Variants in ENTHD1 observed in about 807,000 individuals in gnomAD.
The protein encoded by ENTHD1 is ENTH domain containing 1.
In ENTHD1, 23 loss-of-function variants were observed where a neutral mutation model predicts 39.1. That is an observed-to-expected ratio of 0.59 (90% confidence interval 0.42 to 0.83). The LOEUF (loss-of-function observed/expected upper bound fraction) is 0.83, where lower values mean the gene tolerates loss of function less well. Ranked by LOEUF, ENTHD1 falls within the 40% of genes least tolerant of loss-of-function variation. The probability of loss-of-function intolerance (pLI) is 0.00; values close to 1 mark genes in which losing one functional copy is unlikely to be tolerated. For missense variants in ENTHD1, 624 were observed against 705.4 expected, an observed-to-expected ratio of 0.88 and a Z score of 1.31; for synonymous variants, 230 against 258.2, an observed-to-expected ratio of 0.89 and a Z score of 1.05.
intron 5 of ENTHD1, among the ~76,000 whole-genome samples, chr22:39,799,639 T>C (rs535890261): frequency 5.8e-4 from 89 of 152,330 alleles, no homozygotes; most frequent in African/African-American, 2.0e-3. Context: ...TGTGAATTCC[T>C]GGTGGCTCCA....
At chr22:39,771,320 A>C (rs2065322011) in intron 5 of ENTHD1, among the ~76,000 whole-genome samples, 1 of 152,162 alleles carries the variant, frequency 6.6e-6, no homozygotes, top group Non-Finnish European at 1.5e-5. Context: ...AACGCTGGGG[A>C]AGTTTGCTGT....
Position 39,868,803 on chromosome 22 carries a change from A to G in ENTHD1, c.350-6796T>C, listed in dbSNP as rs558784782. On this transcript the variant is annotated intron_variant, in intron 2 of 6. Transcript: ENST00000325157. ...CAAAAAACAAATAACCCAACTAAAAAATGGGCAAAACATGCACAGATACTT... is the reference window on the plus strand; with the variant it reads ...CAAAAAACAAATAACCCAACTAAAAGATGGGCAAAACATGCACAGATACTT... 4.6e-5 allele frequency among the ~76,000 whole-genome samples: 7 copies of G among 152,344 alleles called. No individual in the cohort carries two copies. The South Asian group carries it at 1.4e-3, about 32-fold the overall frequency.
chr22:39,879,404 G>T (rs903317379), intron 2 of ENTHD1, among the ~76,000 whole-genome samples: 1 of 147,820 alleles, frequency 6.8e-6, no homozygotes, highest in East Asian at 2.0e-4. Flanking sequence ...CAGAGCTTGC[G>T]GTGAGCCAAG....
Position 39,835,950 on chromosome 22 carries a change from A to AAT in ENTHD1, c.600_601insAT (p.Cys201IlefsTer6). The AAT allele has an allele frequency of 6.2e-7, 1 of 1,603,146 alleles. No homozygotes were observed. Among genetic ancestry groups the AAT allele is most frequent in the South Asian group, 1.1e-5 (1 of 88,922 alleles). ...TGCTCTTGTTTCAATCCTGCCTTGCACACATTTCCTGTCAACAATATAAAG... is the reference window on the plus strand; with the variant it reads ...TGCTCTTGTTTCAATCCTGCCTTGCAATCACATTTCCTGTCAACAATATAAAG... On this transcript the variant is annotated frameshift_variant, in exon 4 of 7. Coordinates refer to ENST00000325157, the MANE Select transcript of ENTHD1 (RefSeq NM_152512.4). LOFTEE classifies it high-confidence loss of function.
In ENTHD1 at chr22:39,889,202, AG is replaced by A. The variant is rs776491562; in HGVS notation, c.-155-1300del. Among the ~76,000 whole-genome samples, 72 of 152,366 alleles carry A rather than the reference AG, an allele frequency of 4.7e-4. 1 individual carries two copies. Among genetic ancestry groups the A allele is most frequent in the Non-Finnish European group, 6.5e-4 (44 of 68,030 alleles). Reference sequence around the variant, plus strand: ...GAGTTTAGGATTAAACAGTGTCAACAGTAAGACTCAAATAATGCAAGGATTT... The same window carrying A: ...GAGTTTAGGATTAAACAGTGTCAACATAAGACTCAAATAATGCAAGGATTT... On this transcript the variant is annotated intron_variant, in intron 1 of 6. Coordinates refer to ENST00000325157, the MANE Select transcript of ENTHD1 (RefSeq NM_152512.4).
At chr22:39,785,387 A>C (rs1057175095) in intron 5 of ENTHD1, among the ~76,000 whole-genome samples, 1 of 151,752 alleles carries the variant, frequency 6.6e-6, no homozygotes, top group East Asian at 1.9e-4. Flanking sequence ...CAGCTCTTTT[A>C]TTTCTTTCCC....
intron 2 of ENTHD1, among the ~76,000 whole-genome samples, chr22:39,882,961 G>A (rs1355279508): frequency 2.2e-5 from 3 of 134,040 alleles, no homozygotes; most frequent in Admixed American, 8.6e-5. Context: ...CCTAGATAGC[G>A]CCACTGCACT....
At chr22:39,815,491 C>A (rs1256777465) in intron 5 of ENTHD1, among the ~76,000 whole-genome samples, 4 of 151,894 alleles carry the variant, frequency 2.6e-5, no homozygotes, top group Non-Finnish European at 1.5e-5. Flanking sequence ...TGATACCCAC[C>A]CAATAGACTG....
intron 5 of ENTHD1, among the ~76,000 whole-genome samples, chr22:39,778,301 A>G (rs1282644164): frequency 7.9e-5 from 12 of 152,190 alleles, no homozygotes; most frequent in Non-Finnish European, 1.5e-5. Context: ...ATCTGCAAGC[A>G]TGATGCATTC....
intron 2 of ENTHD1, among the ~76,000 whole-genome samples, chr22:39,884,181 C>T (rs536501061): frequency 1.9e-4 from 29 of 152,052 alleles, no homozygotes; most frequent in African/African-American, 7.0e-4. Flanking sequence ...TTCTAGCCAT[C>T]TTCTTTTTTT....
chr22:39,873,955 AAG>A (rs1313293307), intron 2 of ENTHD1, among the ~76,000 whole-genome samples: 1 of 152,224 alleles, frequency 6.6e-6, no homozygotes, highest in Non-Finnish European at 1.5e-5. Context: ...TTACAAAAGA[AAG>A]AGGTTTAATG....
chr22:39,751,953 G>T (rs2146535488), intron 6 of ENTHD1, among the ~76,000 whole-genome samples: 1 of 151,938 alleles, frequency 6.6e-6, no homozygotes, highest in South Asian at 2.1e-4. Flanking sequence ...CCTTAAAAAA[G>T]AAAAATTTAA....
At chr22:39,869,650 A>AAC (rs886823165) in intron 2 of ENTHD1, among the ~76,000 whole-genome samples, 1 of 152,042 alleles carries the variant, frequency 6.6e-6, no homozygotes, top group African/African-American at 2.4e-5. Context: ...AAAAAAAAAA[A>AAC]AAACCAGCAA....
At chr22:39,758,089 G>C (rs1378614207) in intron 6 of ENTHD1, among the ~76,000 whole-genome samples, 1 of 152,068 alleles carries the variant, frequency 6.6e-6, no homozygotes, top group Non-Finnish European at 1.5e-5. Flanking sequence ...GTCCAGGTTG[G>C]GACAATACAT....
intron 2 of ENTHD1, among the ~76,000 whole-genome samples, chr22:39,872,148 C>T (rs1182396942): frequency 6.6e-6 from 1 of 152,166 alleles, no homozygotes. Flanking sequence ...TCCTATAATG[C>T]TTGGCCCCTG....
chr22:39,768,975 T>C (rs192867591), intron 5 of ENTHD1, among the ~76,000 whole-genome samples: 5 of 152,102 alleles, frequency 3.3e-5, no homozygotes, highest in African/African-American at 1.2e-4. Context: ...TATATATAGA[T>C]AGATACATAT....
At chr22:39,746,019 T>C (rs2065101920) in intron 6 of ENTHD1, among the ~76,000 whole-genome samples, 1 of 152,234 alleles carries the variant, frequency 6.6e-6, no homozygotes, top group Admixed American at 6.5e-5. Flanking sequence ...CTATTTTCAC[T>C]CACTGAGGTC....
intron 5 of ENTHD1, 139 bp from the exon 6 acceptor site, chr22:39,765,748 T>A: frequency 2.3e-6 from 2 of 861,876 alleles, no homozygotes; most frequent in Non-Finnish European, 3.4e-6. Flanking sequence ...GCTTTCTTAC[T>A]ATGCTTCTAT....
intron 6 of ENTHD1, among the ~76,000 whole-genome samples, chr22:39,755,134 T>A (rs902423489): frequency 6.6e-6 from 1 of 152,220 alleles, no homozygotes; most frequent in African/African-American, 2.4e-5. Flanking sequence ...AGATGACATT[T>A]CAGTTGGGAA....
Sources: allele counts gnomAD v4.1 joint callset (sites outside exome capture counted in the v4.1 genomes callset), GRCh38; gene constraint gnomAD v4.1.1; transcripts MANE v1.5; gene names NCBI Gene and HGNC (gene_info 2026-07-23, HGNC 2026-07-21).